The following ABCA10 variants were observed in gnomAD, a reference collection of about 807,000 sequenced individuals.
The protein encoded by ABCA10 is ATP-binding cassette sub-family A member 10.
Under a neutral mutation model 187.5 loss-of-function variants are expected in ABCA10, and 169 were observed. The ratio of observed to expected loss-of-function variants is 0.90; its 90% CI spans 0.80 to 1.02. ABCA10 has a LOEUF of 1.02. ABCA10 is among the 50% of genes least tolerant of loss of function. The pLI is 0.00. For missense variants in ABCA10, 1,727 were observed against 1,812.4 expected (o/e 0.95, Z 0.86); for synonymous variants, 574 against 601.8 (o/e 0.95, Z 0.68).
chr17:69,222,696 T>G lies in ABCA10; in HGVS notation c.36A>C (p.Gly12=), dbSNP rs762516960. Reference sequence around the variant, plus strand: ...CATCTGGTGTCCCAATGACTGTTCTTCCTACCATGTATGAAAAACATAAAT... The same window carrying G: ...CATCTGGTGTCCCAATGACTGTTCTGCCTACCATGTATGAAAAACATAAAT... ...NKMALASFMK[G]RTVIGTPDEE... The change falls in exon 4 of 39, where the codon GGA becomes GGC. Residue 12 remains glycine (G), a splice_region_variant and synonymous_variant. Transcript: ENST00000690296. The G allele has an allele frequency of 6.4e-7, 1 of 1,560,028 alleles. No homozygotes were observed. Among genetic ancestry groups the G allele is most frequent in the Non-Finnish European group, 8.6e-7 (1 of 1,163,916 alleles).
intron 1 of ABCA10, chr17:69,234,181 G>T (rs1325661866): frequency 6.6e-6 from 1 of 152,396 alleles, no homozygotes; most frequent in African/African-American, 2.4e-5. Flanking sequence ...CTTCCCTCAG[G>T]ATCTATTATG....
intron 18 of ABCA10, among the ~76,000 whole-genome samples, chr17:69,190,096 A>T (rs1239552460): frequency 6.6e-6 from 1 of 152,176 alleles, no homozygotes; most frequent in Non-Finnish European, 1.5e-5. Flanking sequence ...GTCATTGCAA[A>T]GAGATGTGCC....
At chr17:69,204,488 G>A (rs1194671342) in intron 9 of ABCA10, among the ~76,000 whole-genome samples, 1 of 152,152 alleles carries the variant, frequency 6.6e-6, no homozygotes, top group Admixed American at 6.6e-5. Flanking sequence ...AATGCAATTT[G>A]AGGTGTTTCC....
intron 10 of ABCA10, among the ~76,000 whole-genome samples, chr17:69,198,331 A>G (rs903668955): frequency 1.3e-5 from 2 of 152,172 alleles, no homozygotes; most frequent in African/African-American, 4.8e-5. Context: ...TGCGGAGGAC[A>G]TATCAGAGAC....
chr17:69,184,186 TGCAAGCCCTGTCC>T lies in ABCA10; in HGVS notation c.2497+1278_2497+1290del, dbSNP rs1421711353. ...ATCGGCCATGCCCCACAGGAGCTGC[TGCAAGCCCTGTCC>T]AAGTACAGTCTAAGCTCAGACGTGC... On this transcript the variant is annotated intron_variant, in intron 20 of 38. Transcript: ENST00000690296. Among the ~76,000 whole-genome samples, 9 of 152,140 alleles carry T rather than the reference TGCAAGCCCTGTCC, an allele frequency of 5.9e-5. No individual in the cohort carries two copies. The East Asian group carries it at 1.7e-3, about 29-fold the overall frequency.
In ABCA10 at chr17:69,215,863, C is replaced by A; in HGVS notation, c.810G>T (p.Trp270Cys). 6.2e-7 allele frequency: 1 copy of A among 1,613,232 alleles called. No homozygotes were observed. The highest frequency in any genetic ancestry group is 8.5e-7 in the Non-Finnish European group (1 of 1,179,748). Reference protein sequence around the residue: ...LYRQLPLSLGWVLSLLSPFAF... With the variant: ...LYRQLPLSLGCVLSLLSPFAF... ...CAAAAGGGCTAAGAAGACTTAATAC[C>A]CATCCCAAAGATAAAGGAAGTTGTC... is the stretch of plus-strand genomic sequence containing the variant. Residue 270 changes from tryptophan (W) to cysteine (C), a missense_variant, in exon 8 of 39, where the codon TGG becomes TGT. Physicochemically the swap from Trp to Cys is radical, Grantham distance 215. Transcript: ENST00000690296.
rs563368772 is a variant in ABCA10, at chr17:69,197,046, G to A, written c.1234+18C>T. On this transcript the variant is annotated intron_variant, in intron 11 of 38. Coordinates refer to ENST00000690296, the MANE Select transcript of ABCA10 (RefSeq NM_001377321.1). ...GGGGAGAGGGAGAGGGAGAGGGAGA[G>A]GGAGTTTTTCTTTTTACCTTGCAAT... The A allele has an allele frequency of 8.4e-5, 130 of 1,550,446 alleles. 2 individuals are homozygous for A. In the South Asian group the frequency reaches 1.3e-3, roughly 15 times the overall value.
upstream of ABCA10, chr17:69,233,255 C>A (rs765221389): frequency 1.8e-4 from 27 of 152,016 alleles, no homozygotes; most frequent in Non-Finnish European, 2.6e-4. Context: ...ACTGTCTTTT[C>A]ATTCTTTTTT....
At position 69,151,898 on chromosome 17, in the gene ABCA10, G is replaced by T. The variant is rs552995661; in HGVS notation, c.4397+145C>A. ...AAAATAACTGTTTAGTTTTTGTAAC[G>T]CATCCTAGCAATCCTCAAACAGGTT... is the stretch of plus-strand genomic sequence containing the variant. On this transcript the variant is annotated intron_variant, in intron 36 of 38. Transcript: ENST00000690296. The T allele has an allele frequency of 2.9e-5, 36 of 1,249,592 alleles. No individual in the cohort carries two copies. The East Asian group carries it at 8.3e-4, about 29-fold the overall frequency. 77.4% of individuals were successfully genotyped at this position (1,249,592 alleles called of 1,614,324 possible). A position where few individuals can be genotyped will look rare whatever the true frequency, so the allele number is the denominator to read the frequency against.
intron 6 of ABCA10, among the ~76,000 whole-genome samples, chr17:69,218,680 C>T (rs2074724177): frequency 6.7e-6 from 1 of 150,364 alleles, no homozygotes; most frequent in South Asian, 2.1e-4. Flanking sequence ...AATGCATAGA[C>T]TATATAGATG....
chr17:69,239,362 T>C (rs2074890549), intron 1 of ABCA10, among the ~76,000 whole-genome samples: 1 of 152,208 alleles, frequency 6.6e-6, no homozygotes, highest in Admixed American at 6.6e-5. Flanking sequence ...ACATGTGAGC[T>C]GCAAAAGATA....
chr17:69,161,940 T>C (rs754087280), intron 27 of ABCA10, among the ~76,000 whole-genome samples: 29 of 152,128 alleles, frequency 1.9e-4, no homozygotes, highest in Admixed American at 1.4e-3. Flanking sequence ...TGAAAATAAG[T>C]CCTATAGCAG....
At chr17:69,165,979 T>C (rs910964402) in intron 25 of ABCA10, among the ~76,000 whole-genome samples, 1 of 152,146 alleles carries the variant, frequency 6.6e-6, no homozygotes, top group African/African-American at 2.4e-5. Context: ...TTACATACCA[T>C]ACATGTTGCC....
In ABCA10 at chr17:69,221,661, T is replaced by C. The variant is rs542945474; in HGVS notation, c.303+131A>G. ...GGGAGATATTCCCATGTGACAGCTT[T>C]TGTTTTCTCTGAGGATGACAGGCAA... On this transcript the variant is annotated intron_variant, in intron 5 of 38. Coordinates refer to ENST00000690296, the MANE Select transcript of ABCA10 (RefSeq NM_001377321.1). The C allele has an allele frequency of 2.7e-4, 216 of 800,484 alleles. 6 individuals are homozygous for C. The South Asian group carries it at 3.6e-3, about 13-fold the overall frequency. 49.6% of individuals were successfully genotyped at this position (800,484 alleles called of 1,614,324 possible). A position where few individuals can be genotyped will look rare whatever the true frequency, so the allele number is the denominator to read the frequency against.
chr17:69,232,085 T>C (rs535125413), upstream of ABCA10, among the ~76,000 whole-genome samples: 5 of 152,248 alleles, frequency 3.3e-5, no homozygotes, highest in African/African-American at 1.2e-4. Flanking sequence ...TCTATGTGCA[T>C]AAAATATCTT....
Position 69,190,302 on chromosome 17 carries a change from A to T in ABCA10, c.2131+56T>A, listed in dbSNP as rs548934455. 3.2e-4 allele frequency: 469 copies of T among 1,486,800 alleles called. 2 individuals carry two copies. The African/African-American group carries it at 6.3e-3, about 20-fold the overall frequency. The allele number at this position is 1,486,800 out of a possible 1,614,324, so 92.1% of individuals were successfully genotyped here. A position where few individuals can be genotyped will look rare whatever the true frequency, so the allele number is the denominator to read the frequency against. On this transcript the variant is annotated intron_variant, in intron 18 of 38. Transcript: ENST00000690296. ...ATCTACAAATATGAATTAGAACATC[A>T]TCTTTTTCTCTTCTCTTTTTTTTCT...
Position 69,219,550 on chromosome 17 carries a change from T to G in ABCA10, c.525A>C (p.Ala175=). 6.4e-7 allele frequency: 1 copy of G among 1,565,646 alleles called. No individual in the cohort carries two copies. The highest frequency in any genetic ancestry group is 8.6e-7 in the Non-Finnish European group (1 of 1,156,340). The change falls in exon 6 of 39, where the codon GCA becomes GCC. Residue 175 remains alanine (A), a synonymous_variant. Coordinates refer to ENST00000690296, the MANE Select transcript of ABCA10 (RefSeq NM_001377321.1). The part of the protein sequence containing the change: ...LMTVMGLRES[A]FWLSWGLTYI... ...AAAGTAGCAACTTAACTTACCAGAA[T>G]GCTGACTCTCGGAGACCCATCACTG... is the stretch of plus-strand genomic sequence containing the variant.
intron 9 of ABCA10, among the ~76,000 whole-genome samples, chr17:69,210,865 T>TATATA (rs1555662878): frequency 6.9e-6 from 1 of 145,516 alleles, no homozygotes; most frequent in African/African-American, 2.7e-5. Context: ...TATATATATA[T>TATATA]GCCATATTTC....
intron 9 of ABCA10, among the ~76,000 whole-genome samples, chr17:69,204,644 G>C (rs1374845294): frequency 6.6e-6 from 1 of 152,162 alleles, no homozygotes; most frequent in African/African-American, 2.4e-5. Flanking sequence ...TGAAGACTCA[G>C]ACTGTTTAAC....
Sources: gnomAD v4.1 joint callset for allele counts (sites outside exome capture counted in the v4.1 genomes callset) on GRCh38, gnomAD v4.1.1 for gene constraint, MANE v1.5 for transcripts, NCBI Gene and HGNC (gene_info 2026-07-23, HGNC 2026-07-21) for gene names.